The following ABCB1 variants were observed in gnomAD, a reference collection of about 807,000 sequenced individuals.
The protein encoded by ABCB1 is ATP-dependent translocase ABCB1.
In ABCB1, 69 loss-of-function variants were observed where a neutral mutation model predicts 142.0. That is an observed-to-expected ratio of 0.49 (90% confidence interval 0.40 to 0.59). The LOEUF is 0.59. Among genes scored for constraint, ABCB1 ranks in the 20% least tolerant of loss-of-function variants. The pLI is 0.00. For missense variants in ABCB1, 1,326 were observed against 1,554.7 expected (o/e 0.85, Z 2.47); for synonymous variants, 532 against 539.2 (o/e 0.99, Z 0.18).
At chr7:87,633,795 G>A (rs1175168251) in intron 1 of ABCB1, among the ~76,000 whole-genome samples, 1 of 151,982 alleles carries the variant, frequency 6.6e-6, no homozygotes, top group East Asian at 1.9e-4. Context: ...GAACTTGGTG[G>A]GAGAAATGCA....
At position 87,680,759 on chromosome 7, in the gene ABCB1, C is replaced by G. The variant is rs776003781; in HGVS notation, c.-331+32402G>C. 7.3e-5 allele frequency among the ~76,000 whole-genome samples: 11 copies of G among 149,722 alleles called. 2 individuals carry two copies. Among genetic ancestry groups the G allele is most frequent in the African/African-American group, 1.5e-4 (6 of 40,140 alleles). On this transcript the variant is annotated intron_variant, in intron 1 of 28. Transcript: ENST00000265724. Reference sequence around the variant, plus strand: ...GCAGTGAGCCAAGATCGCGCCATTGCACTCCAGCTTGGGCAAGGAGTGAAA... The same window carrying G: ...GCAGTGAGCCAAGATCGCGCCATTGGACTCCAGCTTGGGCAAGGAGTGAAA...
At chr7:87,520,982 T>C in intron 21 of ABCB1, 106 bp from the exon 22 acceptor site, 2 of 826,056 alleles carry the variant, frequency 2.4e-6, no homozygotes, top group Non-Finnish European at 4.0e-6. Context: ...ATTACATATT[T>C]ATTATTATGT....
At chr7:87,657,062 C>T (rs28483333) in intron 1 of ABCB1, among the ~76,000 whole-genome samples, 7,328 of 152,040 alleles carry the variant, frequency 0.048, 261 homozygotes, top group East Asian at 0.09. Context: ...CATACTTTCC[C>T]CTATTTCTCT....
rs576889860 is a variant in ABCB1, at chr7:87,638,061, AT to A, written c.-330-36984del. Among the ~76,000 whole-genome samples, 243 of 151,842 alleles carry A rather than the reference AT, an allele frequency of 1.6e-3. 1 individual carries two copies. Among genetic ancestry groups the A allele is most frequent in the Non-Finnish European group, 2.5e-3 (167 of 67,886 alleles). ...TGGATGCTTATTATTGTATTATTAAATTTTTTTTGTCTTTCAAGTAAACGTG... is the reference window on the plus strand; with the variant it reads ...TGGATGCTTATTATTGTATTATTAAATTTTTTTGTCTTTCAAGTAAACGTG... On this transcript the variant is annotated intron_variant, in intron 1 of 28. Coordinates refer to the ABCB1 transcript ENST00000265724.
intron 1 of ABCB1, among the ~76,000 whole-genome samples, chr7:87,704,845 A>G (rs905139001): frequency 1.3e-5 from 2 of 152,216 alleles, no homozygotes; most frequent in Non-Finnish European, 2.9e-5. Context: ...CTACTCAGTA[A>G]GTCACATCTC....
intron 7 of ABCB1, chr7:87,565,586 T>G: frequency 2.7e-6 from 1 of 369,810 alleles, no homozygotes; most frequent in Non-Finnish European, 5.3e-6. Context: ...CTGACAAAAC[T>G]GTAAAATCAA....
At chr7:87,521,078 T>C in intron 21 of ABCB1, 1 of 558,014 alleles carries the variant, frequency 1.8e-6, no homozygotes, top group South Asian at 2.1e-5. Flanking sequence ...TAATTCAAAC[T>C]TCTCCTTTGC....
At chr7:87,670,985 C>G (rs1825772989) in intron 1 of ABCB1, among the ~76,000 whole-genome samples, 1 of 152,164 alleles carries the variant, frequency 6.6e-6, no homozygotes, top group African/African-American at 2.4e-5. Flanking sequence ...GTTTATGTTT[C>G]TTTCTCAAGT....
chr7:87,610,232 C>CTTTTT (rs914468581), intron 1 of ABCB1, among the ~76,000 whole-genome samples: 71 of 117,022 alleles, frequency 6.1e-4, no homozygotes, highest in Non-Finnish European at 7.1e-4. Flanking sequence ...CTTTTTCTTT[C>CTTTTT]TTTTTTTTTT....
intron 9 of ABCB1, among the ~76,000 whole-genome samples, chr7:87,552,955 G>A (rs1165094158): frequency 2.6e-5 from 4 of 152,096 alleles, no homozygotes; most frequent in Non-Finnish European, 4.4e-5. Context: ...AACATTAAAT[G>A]GCAAGACTTC....
intron 1 of ABCB1, among the ~76,000 whole-genome samples, chr7:87,664,450 A>C (rs1006160463): frequency 6.6e-6 from 1 of 152,194 alleles, no homozygotes; most frequent in Non-Finnish European, 1.5e-5. Context: ...GAGATGACCC[A>C]GATGTTGGAA....
upstream of ABCB1, among the ~76,000 whole-genome samples, chr7:87,603,956 A>G (rs1277615078): frequency 2.0e-5 from 3 of 152,174 alleles, no homozygotes; most frequent in African/African-American, 7.2e-5. Context: ...ACATTGCTAT[A>G]TATTAGTAAT....
chr7:87,566,110 A>G lies in ABCB1; in HGVS notation c.662T>C (p.Ile221Thr). Residue 221 changes from isoleucine (I) to threonine (T), a missense_variant, in exon 7 of 28, where the codon ATC (isoleucine) becomes ACC (threonine). Coordinates refer to ENST00000622132, the MANE Select transcript of ABCB1 (RefSeq NM_001348946.2). ...AGCTGACAGTCCAAGAACAGGACTG[A>G]TGGCCAAAATCACAAGGGTTAGCTT... The part of the protein sequence containing the change: ...GWKLTLVILA[I>T]SPVLGLSAAV... 6.2e-7 allele frequency: 1 copy of G among 1,614,212 alleles called. No homozygotes were observed. Among genetic ancestry groups the G allele is most frequent in the Non-Finnish European group, 8.5e-7 (1 of 1,180,024 alleles).
intron 26 of ABCB1, among the ~76,000 whole-genome samples, chr7:87,508,030 C>G (rs1814825618): frequency 6.6e-6 from 1 of 151,804 alleles, no homozygotes; most frequent in African/African-American, 2.4e-5. Flanking sequence ...CTATTGGGTT[C>G]TGTGCTCAGT....
chr7:87,589,071 T>C (rs561123680), intron 3 of ABCB1, among the ~76,000 whole-genome samples: 130 of 152,306 alleles, frequency 8.5e-4, no homozygotes, highest in African/African-American at 3.1e-3. Flanking sequence ...TGAAGCAAGA[T>C]TGATTTCTAG....
intron 1 of ABCB1, among the ~76,000 whole-genome samples, chr7:87,644,332 T>A (rs887878898): frequency 1.3e-5 from 2 of 152,244 alleles, no homozygotes; most frequent in Non-Finnish European, 2.9e-5. Context: ...GCCATCTCCT[T>A]GTTGATCATT....
chr7:87,575,753 T>C (rs1179734484), intron 4 of ABCB1, among the ~76,000 whole-genome samples: 1 of 152,184 alleles, frequency 6.6e-6, no homozygotes, highest in Non-Finnish European at 1.5e-5. Context: ...TCTTTTTATG[T>C]GAGCTGTTTA....
intron 23 of ABCB1, chr7:87,518,816 C>T (rs1218841036): frequency 1.3e-5 from 2 of 157,308 alleles, no homozygotes; most frequent in African/African-American, 2.4e-5. Flanking sequence ...ACATTCAGAA[C>T]AATGTAGCAG....
At chr7:87,561,168 TG>T in intron 8 of ABCB1, 94 bp downstream of exon 8, 1 of 1,424,526 alleles carries the variant, frequency 7.0e-7, no homozygotes, top group South Asian at 1.2e-5. Flanking sequence ...AACATATATA[TG>T]GGAGAAAATG....
Sources: gnomAD v4.1 joint callset for allele counts (sites outside exome capture counted in the v4.1 genomes callset) on GRCh38, gnomAD v4.1.1 for gene constraint, MANE v1.5 for transcripts, NCBI Gene and HGNC (gene_info 2026-07-23, HGNC 2026-07-21) for gene names.